Variants in KDM2B observed in about 807,000 individuals in gnomAD.
KDM2B encodes lysine demethylase 2B, also known as lysine-specific demethylase 2B.
In KDM2B, 26 loss-of-function variants were observed where a neutral mutation model predicts 150.0. The observed-to-expected ratio is 0.17, with a 90% CI of 0.13 to 0.24. The LOEUF (loss-of-function observed/expected upper bound fraction) is 0.24. Among genes scored for constraint, KDM2B ranks in the 10% least tolerant of loss-of-function variants. The pLI is 1.00. For missense variants in KDM2B, 1,265 were observed against 1,816.9 expected (o/e 0.70, Z 5.52); for synonymous variants, 734 against 729.5 (o/e 1.01, Z -0.10).
At chr12:121,570,458 C>G (rs112580176) in intron 4 of KDM2B, among the ~76,000 whole-genome samples, 7,552 of 152,208 alleles carry the variant, frequency 0.05, 326 homozygotes, top group East Asian at 0.24. Context: ...AGTGCTGGAA[C>G]TAGCAGGTGT....
chr12:121,488,063 G>A (rs1036530265), intron 12 of KDM2B, among the ~76,000 whole-genome samples: 4 of 152,066 alleles, frequency 2.6e-5, no homozygotes, highest in Admixed American at 6.6e-5. Context: ...GATTATAGGC[G>A]TGAGCCATCC....
In KDM2B at chr12:121,442,008, G is replaced by A. The variant is rs1191935716; in HGVS notation, c.3284+149C>T. 1.9e-5 allele frequency: 13 copies of A among 670,448 alleles called. No individual in the cohort carries two copies. The highest frequency in any genetic ancestry group is 5.5e-5 in the East Asian group (2 of 36,610). The allele number at this position is 670,448 out of a possible 1,614,324, so 41.5% of individuals were successfully genotyped here. ...CTCCTCTGACAAGACCAGAGGGGCC[G>A]CTGTAGCCAGCTGGAACGCTTTGCG... On this transcript the variant is annotated intron_variant, in intron 19 of 22. Coordinates refer to ENST00000377071, the MANE Select transcript of KDM2B (RefSeq NM_032590.5). The surrounding 1 kb of genome is among the most constrained non-coding windows in gnomAD (Gnocchi z 7.7).
Position 121,429,859 on chromosome 12 carries a change from A to C in KDM2B, c.*429T>G. The C allele has an allele frequency of 1.9e-6, 1 of 534,146 alleles. No homozygotes were observed. Among genetic ancestry groups the C allele is most frequent in the Non-Finnish European group, 3.4e-6 (1 of 294,794 alleles). The allele number at this position is 534,146 out of a possible 1,614,324, so 33.1% of individuals were successfully genotyped here. A position where few individuals can be genotyped will look rare whatever the true frequency, so the allele number is the denominator to read the frequency against. ...GATGTAACAAAACCAACCAAACAAA[A>C]AAAAGTGTCAAGACGGCAGCAGATG... On this transcript the variant is annotated 3_prime_UTR_variant, in exon 23 of 23. Coordinates refer to ENST00000377071, the MANE Select transcript of KDM2B (RefSeq NM_032590.5).
intron 12 of KDM2B, among the ~76,000 whole-genome samples, chr12:121,476,395 G>A (rs529331548): frequency 2.6e-5 from 4 of 152,034 alleles, no homozygotes; most frequent in Admixed American, 2.6e-4. Context: ...GTCCCAGGCT[G>A]CAGTGAGCTA....
chr12:121,422,301 C>T, the KDM2B span, among the ~76,000 whole-genome samples: 4 of 152,324 alleles, frequency 2.6e-5, no homozygotes, highest in South Asian at 8.3e-4. Flanking sequence ...CCTAGCTTGA[C>T]TGGCTCCAAG....
At chr12:121,502,943 T>TA (rs1298453647) in intron 11 of KDM2B, among the ~76,000 whole-genome samples, 1 of 149,236 alleles carries the variant, frequency 6.7e-6, no homozygotes, top group East Asian at 2.0e-4. Context: ...AAAAATAAAA[T>TA]TTTTTTTTTA....
intron 22 of KDM2B, among the ~76,000 whole-genome samples, chr12:121,437,812 T>A (rs1380535610): frequency 2.6e-5 from 4 of 152,236 alleles, no homozygotes; most frequent in Admixed American, 6.5e-5. Context: ...ACAGACTTAT[T>A]TCCCATCTCT....
At chr12:121,530,006 A>T (rs1390834989) in intron 8 of KDM2B, among the ~76,000 whole-genome samples, 1 of 151,640 alleles carries the variant, frequency 6.6e-6, no homozygotes, top group Non-Finnish European at 1.5e-5. Flanking sequence ...AGGTGGGCAG[A>T]TCATGAGGTC....
At chr12:121,505,116 C>CA (rs781886793) in intron 11 of KDM2B, among the ~76,000 whole-genome samples, 8,125 of 79,380 alleles carry the variant, frequency 0.1, 1,532 homozygotes, top group African/African-American at 0.37. Flanking sequence ...GACTCTGTCT[C>CA]AAAAAAAAAA....
chr12:121,427,335 C>T (rs566862998), downstream of KDM2B, among the ~76,000 whole-genome samples: 2 of 152,100 alleles, frequency 1.3e-5, no homozygotes, highest in Non-Finnish European at 2.9e-5. Context: ...GTCAGGAGTT[C>T]GAGACCAGCC....
At chr12:121,487,844 C>A (rs898833473) in intron 12 of KDM2B, among the ~76,000 whole-genome samples, 1 of 150,118 alleles carries the variant, frequency 6.7e-6, no homozygotes, top group Non-Finnish European at 1.5e-5. Flanking sequence ...CACGGTGTCG[C>A]GATCTCGGCT....
downstream of KDM2B, among the ~76,000 whole-genome samples, chr12:121,427,034 T>C (rs1872542763): frequency 6.6e-6 from 1 of 152,190 alleles, no homozygotes; most frequent in Non-Finnish European, 1.5e-5. Context: ...AGGATGTCAT[T>C]TGAGGTGCCA....
rs537642823 is a variant in KDM2B at position 121,530,290 on chromosome 12, G to A, written c.931+2516C>T. ...GTGGACCCCAGTCTCTGGTCCTTTAGTTTTCACTGGTTGGAAACAGAATGA... is the reference window on the plus strand; with the variant it reads ...GTGGACCCCAGTCTCTGGTCCTTTAATTTTCACTGGTTGGAAACAGAATGA... On this transcript the variant is annotated intron_variant, in intron 8 of 22. Transcript: ENST00000377071. Among the ~76,000 whole-genome samples the A allele has an allele frequency of 3.3e-5, 5 of 150,420 alleles. No homozygotes were observed. In the South Asian group the frequency reaches 6.3e-4, roughly 19 times the overall value.
At chr12:121,426,961 T>A (rs937429465), downstream of KDM2B, among the ~76,000 whole-genome samples, 16 of 152,238 alleles carry the variant, frequency 1.1e-4, no homozygotes, top group African/African-American at 3.9e-4. Flanking sequence ...ATAGGTCATG[T>A]CATATGGATA....
intron 22 of KDM2B, among the ~76,000 whole-genome samples, chr12:121,434,180 C>G (rs1455292782): frequency 6.6e-6 from 1 of 151,856 alleles, no homozygotes; most frequent in Non-Finnish European, 1.5e-5. Context: ...CCCCGTCATT[C>G]ATTCATTCAT....
At position 121,581,004 on chromosome 12, in the gene KDM2B, A is replaced by T; in HGVS notation, c.-93T>A. ...ACTTTTAAACTCCCGGCACTCAAAG[A>T]TGTGGACACACACACGTACAGGAAA... On this transcript the variant is annotated 5_prime_UTR_variant, in exon 1 of 23. Coordinates refer to ENST00000377071, the MANE Select transcript of KDM2B (RefSeq NM_032590.5). 1 of 1,506,844 alleles carries T rather than the reference A, an allele frequency of 6.6e-7. No individual in the cohort carries two copies. The highest frequency in any genetic ancestry group is 8.9e-7 in the Non-Finnish European group (1 of 1,119,598). The allele number at this position is 1,506,844 out of a possible 1,614,324, so 93.3% of individuals were successfully genotyped here.
At chr12:121,492,576 G>A (rs1883475992) in intron 12 of KDM2B, among the ~76,000 whole-genome samples, 5 of 152,042 alleles carry the variant, frequency 3.3e-5, no homozygotes, top group African/African-American at 7.2e-5. Context: ...TCAAAGTACT[G>A]GGATTACAGG....
In KDM2B at chr12:121,439,933, G is replaced by A; in HGVS notation, c.3753C>T (p.Val1251=). The A allele has an allele frequency of 6.2e-7, 1 of 1,614,236 alleles. No individual in the cohort carries two copies. ...TGAGCAGGTTGATAGACTGGTCGGTGACGTGGTTACAGTAACTGAGGTGGA... is the reference window on the plus strand; with the variant it reads ...TGAGCAGGTTGATAGACTGGTCGGTAACGTGGTTACAGTAACTGAGGTGGA... ...SKLHLSYCNH[V]TDQSINLLTA... is the part of the protein sequence containing the mutation. Residue 1251 remains valine (V), a synonymous_variant, in exon 22 of 23, where the codon GTC becomes GTT. Transcript: ENST00000377071.
At chr12:121,530,053 C>A (rs538873368) in intron 8 of KDM2B, among the ~76,000 whole-genome samples, 13 of 151,104 alleles carry the variant, frequency 8.6e-5, no homozygotes, top group Non-Finnish European at 1.6e-4. Context: ...ACAGTGAAAA[C>A]GTGTCTCTAC....
Sources: gnomAD v4.1 joint callset for allele counts (sites outside exome capture counted in the v4.1 genomes callset) on GRCh38, gnomAD v4.1.1 for gene constraint, Gnocchi (gnomAD v3.1) non-coding constraint, MANE v1.5 for transcripts, NCBI Gene and HGNC (gene_info 2026-07-23, HGNC 2026-07-21) for gene names.